The following DORIP1 variants were observed in gnomAD, a reference collection of about 807,000 sequenced individuals.
The protein encoded by DORIP1 is dopamine receptor-interacting protein 1.
the DORIP1 span, chr14:44,900,990 T>C: frequency 6.5e-7 from 1 of 1,529,918 alleles, no homozygotes; most frequent in East Asian, 2.3e-5. Flanking sequence ...TTTTGTCACT[T>C]TTACTTTTTT....
the DORIP1 span, among the ~76,000 whole-genome samples, chr14:44,899,562 A>C: frequency 0.016 from 2,480 of 150,980 alleles, 28 homozygotes; most frequent in Non-Finnish European, 0.021. Flanking sequence ...TAGTCTATAT[A>C]GCAACAGGAG....
chr14:44,903,874 T>G, the DORIP1 span: 2 of 984,742 alleles, frequency 2.0e-6, no homozygotes, highest in Non-Finnish European at 2.4e-6. Flanking sequence ...TTTGGTTTAG[T>G]TAATAATGTT....
the DORIP1 span, chr14:44,905,468 A>G: frequency 1.3e-6 from 2 of 1,567,884 alleles, no homozygotes; most frequent in Admixed American, 3.4e-5. Flanking sequence ...GGGCTCAGAA[A>G]TGTGAATTTA....
At chr14:44,903,510 C>CA in the DORIP1 span, 111 of 1,148,882 alleles carry the variant, frequency 9.7e-5, no homozygotes, top group East Asian at 3.0e-3. Flanking sequence ...TTTCCCCCCC[C>CA]ACTGCTGAGT....
At chr14:44,907,037 AAC>A in the DORIP1 span, 1 of 152,608 alleles carries the variant, frequency 6.6e-6, no homozygotes, top group Non-Finnish European at 1.5e-5. Flanking sequence ...AGTATACAAT[AAC>A]ACAAATATTA....
chr14:44,904,450 TTTG>T, the DORIP1 span: 2 of 1,612,110 alleles, frequency 1.2e-6, no homozygotes, highest in Non-Finnish European at 1.7e-6. Context: ...GGCACCCCCT[TTTG>T]TTGTCTTAAA....
At chr14:44,903,717 GAATT>G in the DORIP1 span, 3 of 964,386 alleles carry the variant, frequency 3.1e-6, no homozygotes, top group African/African-American at 5.3e-5. Flanking sequence ...TGTATAATGA[GAATT>G]AATATTTAGA....
At chr14:44,903,580 A>AT in the DORIP1 span, 272 of 1,041,696 alleles carry the variant, frequency 2.6e-4, no homozygotes, top group Non-Finnish European at 2.9e-4. Context: ...AATTATCTGG[A>AT]TTTTTTTCTG....
chr14:44,902,023 A>T, the DORIP1 span, among the ~76,000 whole-genome samples: 1 of 152,214 alleles, frequency 6.6e-6, no homozygotes, highest in Non-Finnish European at 1.5e-5. Flanking sequence ...ATTTGGCCCT[A>T]TGGTCCAGAA....
chr14:44,900,191 T>C, the DORIP1 span, among the ~76,000 whole-genome samples: 1 of 152,118 alleles, frequency 6.6e-6, no homozygotes, highest in Admixed American at 6.6e-5. Context: ...ATGTAATTAA[T>C]ATAAAGCCTA....
At chr14:44,906,698 ATAGT>A in the DORIP1 span, 379 of 152,716 alleles carry the variant, frequency 2.5e-3, no homozygotes, top group African/African-American at 8.6e-3. Flanking sequence ...ATTTCAATAA[ATAGT>A]TCACTTCAGG....
chr14:44,902,331 ATTT>A, the DORIP1 span, among the ~76,000 whole-genome samples: 1 of 151,738 alleles, frequency 6.6e-6, no homozygotes, highest in South Asian at 2.1e-4. Flanking sequence ...TGTTTTATTT[ATTT>A]TTTTATTTTT....
At chr14:44,905,590 T>C in the DORIP1 span, 2 of 1,372,566 alleles carry the variant, frequency 1.5e-6, no homozygotes, top group Non-Finnish European at 2.0e-6. Context: ...CTCCTGCCCA[T>C]GCTCTCCCAG....
At chr14:44,900,991 T>C in the DORIP1 span, 1 of 1,530,118 alleles carries the variant, frequency 6.5e-7, no homozygotes, top group Non-Finnish European at 8.7e-7. Flanking sequence ...TTTGTCACTT[T>C]TACTTTTTTT....
chr14:44,898,129 G>C, the DORIP1 span, among the ~76,000 whole-genome samples: 88 of 152,230 alleles, frequency 5.8e-4, 2 homozygotes, highest in Non-Finnish European at 4.1e-4. Context: ...AAAGCCAGCG[G>C]AATACATCCT....
the DORIP1 span, among the ~76,000 whole-genome samples, chr14:44,899,823 A>ATTTTTTTTTTTTTTTTTTT: frequency 7.4e-6 from 1 of 134,396 alleles, no homozygotes; most frequent in African/African-American, 3.4e-5. Flanking sequence ...TTCATTTAGG[A>ATTTTTTTTTTTTTTTTTTT]ATTTTTTTTT....
chr14:44,900,897 C>G, the DORIP1 span: 1 of 1,611,952 alleles, frequency 6.2e-7, no homozygotes, highest in Non-Finnish European at 8.5e-7. Flanking sequence ...AAGAGAGTTA[C>G]TGTTCCAACT....
chr14:44,904,711 T>A, the DORIP1 span: 2 of 604,146 alleles, frequency 3.3e-6, no homozygotes, highest in Non-Finnish European at 5.2e-6. Flanking sequence ...GTGCACATAG[T>A]GGGTAGGTGT....
the DORIP1 span, among the ~76,000 whole-genome samples, chr14:44,901,708 C>G: frequency 2.0e-5 from 3 of 152,126 alleles, no homozygotes; most frequent in African/African-American, 7.3e-5. Flanking sequence ...AAATTAAAAG[C>G]ATCCTTTCAT....
Sources: allele counts gnomAD v4.1 joint callset (sites outside exome capture counted in the v4.1 genomes callset), GRCh38; gene constraint gnomAD v4.1.1; transcripts MANE v1.5; gene names NCBI Gene and HGNC (gene_info 2026-07-23, HGNC 2026-07-21).